Variants in NFX1 observed in about 807,000 individuals in gnomAD.
The protein encoded by NFX1 is nuclear transcription factor, X-box binding 1.
Under a neutral mutation model 137.2 loss-of-function variants are expected in NFX1, and 69 were observed. The observed-to-expected ratio is 0.50, with a 90% confidence interval of 0.41 to 0.61. The LOEUF is 0.61. NFX1 is among the 20% of genes least tolerant of loss of function. The pLI, the probability that NFX1 is intolerant of heterozygous loss-of-function variation, is 0.00. For synonymous variants in NFX1, 495 were observed against 474.1 expected (o/e 1.04, Z -0.57); for missense variants, 1,167 against 1,391.0 (o/e 0.84, Z 2.56).
chr9:33,326,982 TAACTC>T (rs1037524668), intron 9 of NFX1, among the ~76,000 whole-genome samples: 4 of 151,718 alleles, frequency 2.6e-5, no homozygotes, highest in African/African-American at 4.8e-5. Flanking sequence ...ATTAAGAAAA[TAACTC>T]AAAACATTTA....
At chr9:33,344,791 G>A (rs1262529660) in intron 14 of NFX1, among the ~76,000 whole-genome samples, 6 of 151,690 alleles carry the variant, frequency 4.0e-5, no homozygotes, top group South Asian at 4.2e-4. Context: ...ACTTGAACCC[G>A]GGAGGCAGAG....
intron 3 of NFX1, among the ~76,000 whole-genome samples, chr9:33,302,548 G>T (rs865861399): frequency 6.7e-6 from 1 of 150,066 alleles, no homozygotes; most frequent in South Asian, 2.1e-4. Flanking sequence ...TTTTTGAGAC[G>T]GTCTGCTGTG....
At chr9:33,362,076 A>T (rs1824010417) in intron 19 of NFX1, among the ~76,000 whole-genome samples, 1 of 150,748 alleles carries the variant, frequency 6.6e-6, no homozygotes, top group Non-Finnish European at 1.5e-5. Flanking sequence ...AGCTGAGATC[A>T]TGCCACTGCA....
At chr9:33,297,401 C>T (rs1207155109) in intron 2 of NFX1, among the ~76,000 whole-genome samples, 2 of 152,196 alleles carry the variant, frequency 1.3e-5, no homozygotes, top group Non-Finnish European at 2.9e-5. Context: ...CAATGTTATA[C>T]CAGAGTTGTT....
chr9:33,294,654 T>C lies in NFX1; in HGVS notation c.260T>C (p.Phe87Ser). The change falls in exon 2 of 24, where the codon TTC (phenylalanine) becomes TCC (serine). Residue 87 changes from phenylalanine (F) to serine (S), a missense_variant. Transcript: ENST00000379540. ...AAACCTAAGAGTCAGCAGACGTCTT[T>C]CCAGTCCTCTCCTTGTAATAAATCG... ...GSKPKSQQTS[F>S]QSSPCNKSPK... 1 of 1,614,184 alleles carries C rather than the reference T, an allele frequency of 6.2e-7. No homozygotes were observed. The highest frequency in any genetic ancestry group is 8.5e-7 in the Non-Finnish European group (1 of 1,180,040).
chr9:33,366,713 G>A lies in NFX1; in HGVS notation c.3124G>A (p.Gly1042Ser). ...RIIHDLAQVYGLESVSYDSEP... is the reference protein window; with the variant it reads ...RIIHDLAQVYSLESVSYDSEP... ...CATCCATGACTTGGCCCAAGTTTAT[G>A]GCCTGGAGAGCGTGAGCTATGACAG... Residue 1042 changes from glycine to serine, a missense_variant, in exon 22 of 24, where the codon GGC becomes AGC. Around this residue, in one of 3 missense-constraint regions of NFX1, gnomAD observed 312 missense variants for 312.8 expected, o/e 1.00. Coordinates refer to ENST00000379540, the MANE Select transcript of NFX1 (RefSeq NM_002504.6). 6.2e-7 allele frequency: 1 copy of A among 1,614,222 alleles called. No individual in the cohort carries two copies. Among genetic ancestry groups the A allele is most frequent in the South Asian group, 1.1e-5 (1 of 91,086 alleles).
At chr9:33,318,112 G>T (rs1043935851) in intron 7 of NFX1, among the ~76,000 whole-genome samples, 4 of 150,224 alleles carry the variant, frequency 2.7e-5, no homozygotes, top group Admixed American at 1.3e-4. Context: ...TTGTATATGT[G>T]ATTTTAAAAA....
chr9:33,290,628 C>T (rs1200883407), intron 1 of NFX1, 31 bp downstream of exon 1: 7 of 1,592,554 alleles, frequency 4.4e-6, no homozygotes, highest in East Asian at 2.2e-5. Context: ...GGACTGGGCC[C>T]CTTTCAGGGA....
rs539113210 is a variant in NFX1 at position 33,350,054 on chromosome 9, A to G, written c.2425-1506A>G. 4.6e-5 allele frequency among the ~76,000 whole-genome samples: 7 copies of G among 152,258 alleles called. No individual in the cohort carries two copies. The South Asian group carries it at 1.5e-3, about 32-fold the overall frequency. On this transcript the variant is annotated intron_variant, in intron 15 of 23. Coordinates refer to ENST00000379540, the MANE Select transcript of NFX1 (RefSeq NM_002504.6). Reference sequence around the variant, plus strand: ...CGTGGTTTCTCATGCCTGTAATCCCAACACTTTGATAGGCTGAGGCAAGTG... The same window carrying G: ...CGTGGTTTCTCATGCCTGTAATCCCGACACTTTGATAGGCTGAGGCAAGTG...
chr9:33,294,646 G>A lies in NFX1; in HGVS notation c.252G>A (p.Gln84=). ...CAGGAAGCAAACCTAAGAGTCAGCA[G>A]ACGTCTTTCCAGTCCTCTCCTTGTA... ...HPSGSKPKSQ[Q]TSFQSSPCNK... The change falls in exon 2 of 24, where the codon CAG becomes CAA. Residue 84 remains glutamine, a synonymous_variant. Coordinates refer to ENST00000379540, the MANE Select transcript of NFX1 (RefSeq NM_002504.6). 1.2e-6 allele frequency: 2 copies of A among 1,614,192 alleles called. No homozygotes were observed. The highest frequency in any genetic ancestry group is 1.1e-5 in the South Asian group (1 of 91,084).
chr9:33,291,571 G>A (rs1038825912), intron 1 of NFX1, among the ~76,000 whole-genome samples: 7 of 152,166 alleles, frequency 4.6e-5, no homozygotes, highest in African/African-American at 1.7e-4. Flanking sequence ...TTGTATACTG[G>A]GTGGCAGGTA....
intron 7 of NFX1, 53 bp downstream of exon 7, chr9:33,313,846 AT>A: frequency 6.4e-7 from 1 of 1,569,138 alleles, no homozygotes; most frequent in Non-Finnish European, 8.7e-7. Context: ...CTGGAACCTT[AT>A]TAATGATTGT....
At chr9:33,297,878 C>T (rs1821414933) in intron 2 of NFX1, among the ~76,000 whole-genome samples, 1 of 152,188 alleles carries the variant, frequency 6.6e-6, no homozygotes, top group African/African-American at 2.4e-5. Context: ...CCCACCCATA[C>T]TCAAGGGGAG....
intron 23 of NFX1, among the ~76,000 whole-genome samples, chr9:33,368,982 C>T (rs1486988361): frequency 6.6e-6 from 1 of 152,208 alleles, no homozygotes; most frequent in Non-Finnish European, 1.5e-5. Context: ...GGGGTTTTCT[C>T]AGAAACTGCC....
intron 1 of NFX1, among the ~76,000 whole-genome samples, chr9:33,291,884 CAG>C (rs1404906784): frequency 1.3e-5 from 2 of 152,156 alleles, no homozygotes. Context: ...GCCTGGGCGA[CAG>C]AGTGTGACTT....
intron 6 of NFX1, 124 bp from the exon 7 acceptor site, chr9:33,313,530 G>C: frequency 1.2e-6 from 1 of 826,472 alleles, no homozygotes; most frequent in Non-Finnish European, 1.9e-6. Flanking sequence ...GAAAAAGTGA[G>C]GGAAATGAAG....
chr9:33,320,087 G>A (rs920154923), intron 9 of NFX1, among the ~76,000 whole-genome samples: 2 of 150,702 alleles, frequency 1.3e-5, no homozygotes, highest in African/African-American at 4.9e-5. Context: ...TTGGCCTCCC[G>A]AGTAGCTGGG....
intron 22 of NFX1, 33 bp from the exon 23 acceptor site, chr9:33,367,482 C>T (rs746203314): frequency 2.5e-6 from 4 of 1,606,394 alleles, no homozygotes; most frequent in African/African-American, 1.3e-5. Flanking sequence ...ACAATTCTCA[C>T]TTTTCAATGC....
chr9:33,294,882 C>G lies in NFX1; in HGVS notation c.488C>G (p.Pro163Arg), dbSNP rs1276186498. The G allele has an allele frequency of 6.2e-7, 1 of 1,613,868 alleles. No homozygotes were observed. The highest frequency in any genetic ancestry group is 1.7e-5 in the Admixed American group (1 of 59,976). ...GAGAAGGAAGTTGTGGGTGCAGATC[C>G]CAGGGGAGCAAAACCCAAAAAAGCA... ...ESEKEVVGAD[P>R]RGAKPKKATQ... is the part of the protein sequence containing the mutation. The change falls in exon 2 of 24, where the codon CCC becomes CGC. Residue 163 changes from proline (P) to arginine (R), a missense_variant. By Grantham distance (103) the Pro-to-Arg change is moderately radical. This residue lies in a region of NFX1 where 367 missense variants were observed against 386.7 expected (regional missense o/e 0.95). Transcript: ENST00000379540.
Sources: gnomAD v4.1 joint callset for allele counts (sites outside exome capture counted in the v4.1 genomes callset) on GRCh38, gnomAD v4.1.1 for gene constraint, gnomAD v4.1.1 regional missense constraint, MANE v1.5 for transcripts, NCBI Gene and HGNC (gene_info 2026-07-23, HGNC 2026-07-21) for gene names.